The following PALLD variants were observed in gnomAD, a reference collection of about 807,000 sequenced individuals.
PALLD encodes palladin, cytoskeletal associated protein.
A neutral mutation model predicts 123.5 loss-of-function variants in PALLD; 61 were observed. That is an observed-to-expected ratio of 0.49 (90% CI 0.40 to 0.61). The LOEUF (loss-of-function observed/expected upper bound fraction) is 0.61, where lower values mean the gene tolerates loss of function less well. Ranked by LOEUF, PALLD falls within the 20% of genes least tolerant of loss-of-function variation. PALLD has a pLI of 0.00. For synonymous variants in PALLD, 465 were observed against 496.4 expected (o/e 0.94, Z 0.84); for missense variants, 1,273 against 1,377.0 (o/e 0.92, Z 1.20).
intron 2 of PALLD, among the ~76,000 whole-genome samples, chr4:168,664,952 C>T (rs1476081469): frequency 6.6e-6 from 1 of 152,164 alleles, no homozygotes; most frequent in Non-Finnish European, 1.5e-5. Flanking sequence ...TTAGGAAAGT[C>T]ATTGAGCCTT....
At chr4:168,896,434 T>TA (rs1263197988) in intron 12 of PALLD, 115 bp from the exon 13 acceptor site, 6 of 693,388 alleles carry the variant, frequency 8.7e-6, no homozygotes, top group Non-Finnish European at 1.6e-5. Flanking sequence ...ACAGCACCGT[T>TA]ACTACCAAAC....
chr4:168,682,944 A>AC, intron 4 of PALLD, 54 bp from the exon 5 acceptor site: 1 of 1,148,642 alleles, frequency 8.7e-7, no homozygotes, highest in Non-Finnish European at 1.3e-6. Flanking sequence ...AAAAAAAACA[A>AC]AAAAACGAAA....
rs757941691 is a variant in PALLD at position 168,926,258 on chromosome 4, G to A, written c.*78G>A. On this transcript the variant is annotated 3_prime_UTR_variant, in exon 22 of 22. Transcript: ENST00000505667. Reference sequence around the variant, plus strand: ...CAGAGCACCAAGCCAAAAAAAGTACGGCCCTCAGCCAGTCGCTATGCAGCA... The same window carrying A: ...CAGAGCACCAAGCCAAAAAAAGTACAGCCCTCAGCCAGTCGCTATGCAGCA... 66 of 1,536,290 alleles carry A rather than the reference G, an allele frequency of 4.3e-5. No individual in the cohort carries two copies. Among genetic ancestry groups the A allele is most frequent in the Non-Finnish European group, 5.4e-5 (62 of 1,146,472 alleles).
chr4:168,500,991 T>A (rs1002537829), intron 1 of PALLD, among the ~76,000 whole-genome samples: 9 of 152,232 alleles, frequency 5.9e-5, no homozygotes, highest in Admixed American at 5.9e-4. Context: ...CTTATTTATA[T>A]GTTCTATATT....
At chr4:168,614,463 T>A (rs1167473069) in intron 2 of PALLD, among the ~76,000 whole-genome samples, 1 of 152,174 alleles carries the variant, frequency 6.6e-6, no homozygotes, top group Non-Finnish European at 1.5e-5. Flanking sequence ...CTTATGTGTA[T>A]CATACATGTT....
chr4:168,783,044 A>ATGTGTGTGTGTGTG (rs373278434), intron 10 of PALLD, among the ~76,000 whole-genome samples: 4 of 82,178 alleles, frequency 4.9e-5, no homozygotes, highest in African/African-American at 7.1e-5. Flanking sequence ...TTTTATATAT[A>ATGTGTGTGTGTGTG]TATGTGTGTG....
At chr4:168,655,175 T>C (rs910318241) in intron 2 of PALLD, among the ~76,000 whole-genome samples, 1 of 152,226 alleles carries the variant, frequency 6.6e-6, no homozygotes, top group African/African-American at 2.4e-5. Context: ...TCATTTATCA[T>C]AGCTCTCCTT....
chr4:168,913,323 G>C (rs1759420239), intron 15 of PALLD, among the ~76,000 whole-genome samples: 1 of 151,888 alleles, frequency 6.6e-6, no homozygotes, highest in Non-Finnish European at 1.5e-5. Context: ...TTTTTTAGTA[G>C]AGACGGGGTT....
intron 10 of PALLD, among the ~76,000 whole-genome samples, chr4:168,768,673 T>C (rs1042921176): frequency 6.6e-6 from 1 of 152,178 alleles, no homozygotes; most frequent in Admixed American, 6.5e-5. Context: ...GAATGGTATG[T>C]TTTTTCTTTT....
chr4:168,611,705 G>A (rs1304821724), intron 2 of PALLD, among the ~76,000 whole-genome samples: 1 of 152,134 alleles, frequency 6.6e-6, no homozygotes, highest in African/African-American at 2.4e-5. Context: ...CCATTTTAAT[G>A]CTCAACTACC....
At chr4:168,630,881 G>T (rs1358319760) in intron 2 of PALLD, among the ~76,000 whole-genome samples, 1 of 152,178 alleles carries the variant, frequency 6.6e-6, no homozygotes, top group African/African-American at 2.4e-5. Context: ...GGTTGGTTTT[G>T]TTTCTCCTGT....
Position 168,511,490 on chromosome 4 carries a change from G to T in PALLD, c.-15G>T, listed in dbSNP as rs1450420985. On this transcript the variant is annotated 5_prime_UTR_variant, in exon 2 of 22. The change abolishes an upstream ATG in the 5' untranslated region. Transcript: ENST00000505667. ...TACTGAAAGCAGACACAGAGTGCATGAAGACCGTTCAAATATGTCAGGGAC... is the reference window on the plus strand; with the variant it reads ...TACTGAAAGCAGACACAGAGTGCATTAAGACCGTTCAAATATGTCAGGGAC... 2 of 1,606,582 alleles carry T rather than the reference G, an allele frequency of 1.2e-6. No homozygotes were observed. The highest frequency in any genetic ancestry group is 2.2e-5 in the East Asian group (1 of 44,838).
At chr4:168,820,528 G>A (rs1742565633) in intron 10 of PALLD, among the ~76,000 whole-genome samples, 1 of 152,122 alleles carries the variant, frequency 6.6e-6, no homozygotes, top group Non-Finnish European at 1.5e-5. Context: ...AATAGTGCCA[G>A]TTATGCGTAT....
chr4:168,743,051 G>A (rs1788514622), intron 10 of PALLD, among the ~76,000 whole-genome samples: 1 of 152,092 alleles, frequency 6.6e-6, no homozygotes, highest in Admixed American at 6.6e-5. Flanking sequence ...CTATAGACTA[G>A]AATAGATTGC....
chr4:168,615,685 T>C (rs2710850), intron 2 of PALLD, among the ~76,000 whole-genome samples: 99,303 of 152,030 alleles, frequency 0.65, 32,933 homozygotes, highest in East Asian at 0.8. Flanking sequence ...TGAAAGGCGA[T>C]GTTGCTGCCT....
At chr4:168,726,541 C>T (rs554491714) in intron 10 of PALLD, among the ~76,000 whole-genome samples, 8 of 151,734 alleles carry the variant, frequency 5.3e-5, no homozygotes, top group African/African-American at 1.9e-4. Context: ...GTTGTCCATG[C>T]CTGGCTAATT....
chr4:168,661,732 T>C (rs775262269), intron 2 of PALLD, among the ~76,000 whole-genome samples: 1 of 152,226 alleles, frequency 6.6e-6, no homozygotes, highest in Admixed American at 6.5e-5. Context: ...AAAACATGTG[T>C]CTATCCATAG....
chr4:168,589,731 G>C (rs1289958394), intron 2 of PALLD, among the ~76,000 whole-genome samples: 1 of 152,216 alleles, frequency 6.6e-6, no homozygotes, highest in Non-Finnish European at 1.5e-5. Context: ...CCAGATATTA[G>C]TTGAGCCTCA....
At chr4:168,925,441 G>T in intron 21 of PALLD, 163 bp downstream of exon 21, 1 of 668,490 alleles carries the variant, frequency 1.5e-6, no homozygotes. Context: ...TTCTGCAAAT[G>T]ACTGCCTTTT....
Sources: gnomAD v4.1 joint callset for allele counts (sites outside exome capture counted in the v4.1 genomes callset) on GRCh38, gnomAD v4.1.1 for gene constraint, MANE v1.5 for transcripts, NCBI Gene and HGNC (gene_info 2026-07-23, HGNC 2026-07-21) for gene names.